Variants in WWP1 observed in about 807,000 individuals in gnomAD.
WWP1 encodes WW domain containing E3 ubiquitin protein ligase 1, also known as NEDD4-like E3 ubiquitin-protein ligase WWP1.
Under a neutral mutation model 130.6 loss-of-function variants are expected in WWP1, and 49 were observed. That is an observed-to-expected ratio of 0.38 (90% CI 0.30 to 0.48). The LOEUF is 0.48. Among genes scored for constraint, WWP1 ranks in the 20% least tolerant of loss-of-function variants. The pLI is 0.99. For missense variants in WWP1, 809 were observed against 1,100.6 expected (o/e 0.74, Z 3.75); for synonymous variants, 332 against 367.8 (o/e 0.90, Z 1.11).
chr8:86,405,052 G>A (rs937548325), intron 8 of WWP1: 1 of 152,186 alleles, frequency 6.6e-6, no homozygotes, highest in African/African-American at 2.4e-5. Flanking sequence ...AACCTGCTCT[G>A]TTGGTAGCAG....
chr8:86,411,945 G>T lies in WWP1; in HGVS notation c.1061+71G>T, dbSNP rs1586389240. On this transcript the variant is annotated intron_variant, in intron 9 of 24. Coordinates refer to ENST00000517970, the MANE Select transcript of WWP1 (RefSeq NM_007013.4). Reference sequence around the variant, plus strand: ...CTGTTAACATACGATTATTGAATGTGTGCATAAAATGTTTTCATTGTTCAG... The same window carrying T: ...CTGTTAACATACGATTATTGAATGTTTGCATAAAATGTTTTCATTGTTCAG... 2.2e-6 allele frequency: 3 copies of T among 1,355,622 alleles called. 1 individual carries two copies. The highest frequency in any genetic ancestry group is 3.0e-6 in the Non-Finnish European group (3 of 990,984). The allele number at this position is 1,355,622 out of a possible 1,614,324, so 84.0% of individuals were successfully genotyped here. A position where few individuals can be genotyped will look rare whatever the true frequency, so the allele number is the denominator to read the frequency against.
rs148800995 is a variant in WWP1, at chr8:86,418,023, C to T, written c.1061+6149C>T. Among the ~76,000 whole-genome samples, 206 of 152,162 alleles carry T rather than the reference C, an allele frequency of 1.4e-3. 1 individual carries two copies. The highest frequency in any genetic ancestry group is 4.7e-3 in the African/African-American group (194 of 41,500). ...GACAAGATAAAAGTGGATGAAGAGGCTAGAGAGCAGCTATATAAATTATTA... is the reference window on the plus strand; with the variant it reads ...GACAAGATAAAAGTGGATGAAGAGGTTAGAGAGCAGCTATATAAATTATTA... On this transcript the variant is annotated intron_variant, in intron 9 of 24. Transcript: ENST00000517970.
At position 86,431,631 on chromosome 8, in the gene WWP1, C is replaced by A. The variant is rs765624718; in HGVS notation, c.1489C>A (p.Pro497Thr). The A allele has an allele frequency of 2.5e-6, 4 of 1,613,802 alleles. No individual in the cohort carries two copies. The highest frequency in any genetic ancestry group is 1.1e-5 in the South Asian group (1 of 91,010). Residue 497 changes from proline (P) to threonine (T), a missense_variant, in exon 14 of 25, where the codon CCC becomes ACC. This residue lies in a region of WWP1 where 450 missense variants were observed against 674.2 expected (regional missense o/e 0.67). Coordinates refer to ENST00000517970, the MANE Select transcript of WWP1 (RefSeq NM_007013.4). ...PRTQGLQNEEPLPEGWEIRYT... is the reference protein window; with the variant it reads ...PRTQGLQNEETLPEGWEIRYT... ...ATCTTTTAGCTTACAGAATGAAGAA[C>A]CCCTGCCAGAAGGCTGGGAAATTAG...
At chr8:86,457,849 G>T in intron 21 of WWP1, 72 bp from the exon 22 acceptor site, 1 of 1,433,958 alleles carries the variant, frequency 7.0e-7, no homozygotes, top group African/African-American at 1.4e-5. Context: ...AACTGCATTA[G>T]GAAATTTCAG....
In WWP1 at chr8:86,468,179, A is replaced by C. The variant is rs1812274848; in HGVS notation, c.*1286A>C. ...ATGCACTGTAAATTTCATTAACTTA[A>C]ACATTTTTTAATAGCCATGGAACTG... On this transcript the variant is annotated 3_prime_UTR_variant, in exon 25 of 25. Coordinates refer to ENST00000517970, the MANE Select transcript of WWP1 (RefSeq NM_007013.4). 1 of 232,056 alleles carries C rather than the reference A, an allele frequency of 4.3e-6. No homozygotes were observed. The highest frequency in any genetic ancestry group is 8.6e-6 in the Non-Finnish European group (1 of 115,622). 14.4% of individuals were successfully genotyped at this position (232,056 alleles called of 1,614,324 possible). A position where few individuals can be genotyped will look rare whatever the true frequency, so the allele number is the denominator to read the frequency against.
intron 21 of WWP1, among the ~76,000 whole-genome samples, chr8:86,457,527 T>C (rs1326312196): frequency 6.6e-6 from 1 of 151,660 alleles, no homozygotes; most frequent in Non-Finnish European, 1.5e-5. Context: ...ATATACATAA[T>C]GTGTGTATAC....
At chr8:86,375,628 C>A (rs1414946785) in intron 3 of WWP1, among the ~76,000 whole-genome samples, 1 of 152,050 alleles carries the variant, frequency 6.6e-6, no homozygotes, top group Non-Finnish European at 1.5e-5. Flanking sequence ...TTCATCATTG[C>A]GCCATATCCT....
At chr8:86,398,525 A>G in intron 6 of WWP1, 46 bp downstream of exon 6, 1 of 1,611,152 alleles carries the variant, frequency 6.2e-7, no homozygotes. Flanking sequence ...AAAAAGAATA[A>G]GCAAGAAGTA....
chr8:86,346,567 A>G (rs552671158), intron 1 of WWP1, among the ~76,000 whole-genome samples: 7 of 152,342 alleles, frequency 4.6e-5, no homozygotes, highest in Middle Eastern at 3.4e-3. Context: ...TTAAGTAGCT[A>G]GCTAGTACGG....
chr8:86,348,828 G>A (rs1822751317), intron 1 of WWP1, among the ~76,000 whole-genome samples: 1 of 152,160 alleles, frequency 6.6e-6, no homozygotes, highest in Admixed American at 6.5e-5. Context: ...GTAGCAAACA[G>A]CCCTAAACCA....
rs180772562 is a variant in WWP1, at chr8:86,468,442, A to T, written c.*1549A>T. The T allele has an allele frequency of 2.3e-6, 1 of 438,780 alleles. No individual in the cohort carries two copies. 27.2% of individuals were successfully genotyped at this position (438,780 alleles called of 1,614,324 possible). A position where few individuals can be genotyped will look rare whatever the true frequency, so the allele number is the denominator to read the frequency against. On this transcript the variant is annotated 3_prime_UTR_variant, in exon 25 of 25. Transcript: ENST00000517970. Reference sequence around the variant, plus strand: ...TTCAAGCCTAAAGAATTAAAAAAAAAATTCTAATGTATGTGACAGGTTATG... The same window carrying T: ...TTCAAGCCTAAAGAATTAAAAAAAATATTCTAATGTATGTGACAGGTTATG...
At chr8:86,414,418 T>C (rs1808763087) in intron 9 of WWP1, among the ~76,000 whole-genome samples, 1 of 152,146 alleles carries the variant, frequency 6.6e-6, no homozygotes, top group South Asian at 2.1e-4. Context: ...TGCTAATATT[T>C]TAGGTTGACA....
intron 8 of WWP1, among the ~76,000 whole-genome samples, chr8:86,406,662 A>ATGTG (rs915908987): frequency 1.3e-5 from 2 of 151,168 alleles, no homozygotes; most frequent in East Asian, 1.9e-4. Context: ...CTGTGTGTGT[A>ATGTG]TGTGTGTGTG....
chr8:86,385,023 C>CA (rs11284469), intron 5 of WWP1, among the ~76,000 whole-genome samples: 82 of 139,392 alleles, frequency 5.9e-4, no homozygotes, highest in East Asian at 1.3e-3. Context: ...GACACTGTCT[C>CA]AAAAAAAAAA....
At chr8:86,407,558 C>T (rs752898501) in intron 8 of WWP1, among the ~76,000 whole-genome samples, 8 of 152,040 alleles carry the variant, frequency 5.3e-5, no homozygotes, top group Non-Finnish European at 1.0e-4. Flanking sequence ...ATGTCTTTGG[C>T]GGTGGGGAGA....
intron 1 of WWP1, among the ~76,000 whole-genome samples, chr8:86,354,401 A>G (rs1823136793): frequency 6.6e-6 from 1 of 152,164 alleles, no homozygotes; most frequent in Non-Finnish European, 1.5e-5. Flanking sequence ...ATAAATAGCC[A>G]CACATCAGGT....
intron 8 of WWP1, among the ~76,000 whole-genome samples, chr8:86,406,682 A>G (rs148786372): frequency 2.0e-5 from 3 of 152,236 alleles, no homozygotes; most frequent in East Asian, 1.9e-4. Flanking sequence ...GTGTGTTTCT[A>G]TACAGTTTTG....
chr8:86,459,123 A>G (rs1034874554), intron 22 of WWP1, among the ~76,000 whole-genome samples: 3 of 136,354 alleles, frequency 2.2e-5, no homozygotes, highest in Middle Eastern at 4.7e-3. Context: ...TCTGCCTCCC[A>G]GGTTCAAGTG....
At chr8:86,386,050 C>G (rs79181926) in intron 5 of WWP1, among the ~76,000 whole-genome samples, 5 of 152,064 alleles carry the variant, frequency 3.3e-5, no homozygotes, top group Non-Finnish European at 7.3e-5. Context: ...AGTGCCTTAC[C>G]GAGTCTTAGT....
Sources: allele counts gnomAD v4.1 joint callset (sites outside exome capture counted in the v4.1 genomes callset), GRCh38; gene constraint gnomAD v4.1.1; regional missense constraint gnomAD v4.1.1; transcripts MANE v1.5; gene names NCBI Gene and HGNC (gene_info 2026-07-23, HGNC 2026-07-21).